The following TIAM2 variants were observed in gnomAD, a reference collection of about 807,000 sequenced individuals.
TIAM2 encodes the protein TIAM Rac1 associated GEF 2.
TIAM2 carries 80 observed loss-of-function variants against 152.9 expected under a neutral mutation model. The observed-to-expected ratio is 0.52, with a 90% CI of 0.44 to 0.63. The LOEUF (loss-of-function observed/expected upper bound fraction) is 0.63. Among genes scored for constraint, TIAM2 ranks in the 30% least tolerant of loss-of-function variants. The probability of loss-of-function intolerance (pLI) is 0.00; values close to 1 mark genes in which losing one functional copy is unlikely to be tolerated. For missense variants in TIAM2, 1,965 were observed against 2,120.1 expected, an observed-to-expected ratio of 0.93 and a Z score of 1.44; for synonymous variants, 804 against 838.0, an observed-to-expected ratio of 0.96 and a Z score of 0.70.
intron 4 of TIAM2, among the ~76,000 whole-genome samples, chr6:155,131,127 A>C (rs183804877): frequency 6.6e-6 from 1 of 152,344 alleles, no homozygotes; most frequent in Non-Finnish European, 1.5e-5. Context: ...GGGGATGCCA[A>C]AGTGGGCAGA....
In TIAM2 at chr6:155,137,624, G is replaced by A. The variant is rs568275900; in HGVS notation, c.1630+12G>A. On this transcript the variant is annotated intron_variant, in intron 5 of 26. Coordinates refer to ENST00000682666, the MANE Select transcript of TIAM2 (RefSeq NM_012454.4). Reference sequence around the variant, plus strand: ...GGTAACGCTGAAAGGTGAGTGCAGTGTCACCTGCTGAGGCCACTGGGGATT... The same window carrying A: ...GGTAACGCTGAAAGGTGAGTGCAGTATCACCTGCTGAGGCCACTGGGGATT... 1.1e-5 allele frequency: 17 copies of A among 1,550,978 alleles called. No individual in the cohort carries two copies. In the Admixed American group the frequency reaches 1.1e-4, roughly 10 times the overall value.
At chr6:155,130,501 G>A in intron 4 of TIAM2, 84 bp downstream of exon 4, 5 of 1,308,400 alleles carry the variant, frequency 3.8e-6, no homozygotes, top group Non-Finnish European at 5.2e-6. Flanking sequence ...CCACCATAGA[G>A]TGTTGTCGGG....
At position 155,165,384 on chromosome 6, in the gene TIAM2, A is replaced by G. The variant is rs768555518; in HGVS notation, c.2336A>G (p.Lys779Arg). 1.9e-6 allele frequency: 3 copies of G among 1,613,800 alleles called. No homozygotes were observed. The Admixed American group carries it at 5.0e-5, about 27-fold the overall frequency. ...CTGGACACACTGGCCAGAAAAGGCA[A>G]GGAGAAGAGACCTTCTATAACTCAG... is the stretch of plus-strand genomic sequence containing the variant. ...KGLDTLARKG[K>R]EKRPSITQVD... The change falls in exon 9 of 27, where the codon AAG (lysine) becomes AGG (arginine). Residue 779 changes from lysine (K) to arginine (R), a missense_variant. This residue lies in a region of TIAM2 where 1,025 missense variants were observed against 1,119.4 expected (regional missense o/e 0.92). Transcript: ENST00000682666.
At chr6:155,025,720 G>A (rs1776587110) in intron 1 of TIAM2, among the ~76,000 whole-genome samples, 1 of 151,820 alleles carries the variant, frequency 6.6e-6, no homozygotes, top group South Asian at 2.1e-4. Flanking sequence ...GTCTTTGACG[G>A]CTGAGGTTTG....
intron 1 of TIAM2, among the ~76,000 whole-genome samples, chr6:155,043,345 G>C (rs570033592): frequency 2.2e-4 from 34 of 152,182 alleles, no homozygotes; most frequent in African/African-American, 6.0e-4. Context: ...AATCTCTAGA[G>C]GGGCCAGGTG....
rs182277359 is a variant in TIAM2 at position 155,071,653 on chromosome 6, C to T, written c.-208-18636C>T. The stretch of plus-strand genomic sequence containing the variant: ...GGCGCGGTGGCTCACGCCTGTAATC[C>T]GAGCACTTTCAGAGGCCGATCACCT... On this transcript the variant is annotated intron_variant, in intron 1 of 26. Coordinates refer to ENST00000682666, the MANE Select transcript of TIAM2 (RefSeq NM_012454.4). Among the ~76,000 whole-genome samples the T allele has an allele frequency of 7.6e-4, 115 of 152,118 alleles. 2 individuals are homozygous for T. The highest frequency in any genetic ancestry group is 7.3e-3 in the Admixed American group (112 of 15,266).
At chr6:155,018,874 A>T (rs1776402569) in intron 1 of TIAM2, among the ~76,000 whole-genome samples, 1 of 141,756 alleles carries the variant, frequency 7.1e-6, no homozygotes, top group Non-Finnish European at 1.5e-5. Flanking sequence ...CCCCATCTCT[A>T]CTAAAAATAC....
At chr6:155,095,319 G>C (rs144249766) in intron 2 of TIAM2, among the ~76,000 whole-genome samples, 1 of 152,188 alleles carries the variant, frequency 6.6e-6, no homozygotes, top group African/African-American at 2.4e-5. Context: ...ACAGAATCTG[G>C]CTTTGTTTTG....
At chr6:155,116,828 T>C (rs2115016572) in intron 2 of TIAM2, among the ~76,000 whole-genome samples, 1 of 152,250 alleles carries the variant, frequency 6.6e-6, no homozygotes, top group South Asian at 2.1e-4. Context: ...CGGAGGTTAT[T>C]TAAAAGTCAC....
intron 2 of TIAM2, among the ~76,000 whole-genome samples, chr6:155,125,523 A>C (rs985154494): frequency 6.6e-6 from 1 of 152,022 alleles, no homozygotes; most frequent in African/African-American, 2.4e-5. Flanking sequence ...GTTGCGGAAA[A>C]CAGTATGGCG....
At chr6:155,050,051 A>AT (rs1777284327) in intron 1 of TIAM2, among the ~76,000 whole-genome samples, 2 of 152,234 alleles carry the variant, frequency 1.3e-5, no homozygotes, top group South Asian at 4.1e-4. Context: ...AAGAGATTTC[A>AT]TTTTTTTCTC....
intron 2 of TIAM2, among the ~76,000 whole-genome samples, chr6:155,114,854 G>A (rs1778972829): frequency 6.6e-6 from 1 of 151,988 alleles, no homozygotes; most frequent in African/African-American, 2.4e-5. Context: ...TTGAGATGGA[G>A]TCTCGCTTTG....
rs776036979 is a variant in TIAM2 at position 155,179,162 on chromosome 6, T to C, written c.2628+19T>C. 6.3e-7 allele frequency: 1 copy of C among 1,594,334 alleles called. No homozygotes were observed. Among genetic ancestry groups the C allele is most frequent in the East Asian group, 2.2e-5 (1 of 44,770 alleles). On this transcript the variant is annotated intron_variant, in intron 11 of 26. Transcript: ENST00000682666. ...ACAACAGGTAAGTGTGCACTAGCTT[T>C]AGGAAGGGAAACTGAACCACATCTA... is the stretch of plus-strand genomic sequence containing the variant.
In TIAM2 at chr6:155,060,676, A is replaced by C. The variant is rs180932069; in HGVS notation, c.-208-29613A>C. ...TTTGGGAGGCCGAGGTGGGTGGATCACATGAGGTCAGGAGTTCGAGACCAG... is the reference window on the plus strand; with the variant it reads ...TTTGGGAGGCCGAGGTGGGTGGATCCCATGAGGTCAGGAGTTCGAGACCAG... On this transcript the variant is annotated intron_variant, in intron 1 of 26. Transcript: ENST00000682666. Among the ~76,000 whole-genome samples the C allele has an allele frequency of 4.0e-3, 604 of 152,184 alleles. 2 individuals carry two copies. Among genetic ancestry groups the C allele is most frequent in the Non-Finnish European group, 5.3e-3 (363 of 68,012 alleles).
At chr6:155,210,602 C>A (rs1481490098) in intron 14 of TIAM2, among the ~76,000 whole-genome samples, 3 of 152,080 alleles carry the variant, frequency 2.0e-5, no homozygotes, top group Non-Finnish European at 4.4e-5. Context: ...CTCCCACAGG[C>A]CTGAGATTAC....
intron 9 of TIAM2, among the ~76,000 whole-genome samples, chr6:155,171,471 T>C (rs1418377854): frequency 6.6e-6 from 1 of 152,200 alleles, no homozygotes; most frequent in African/African-American, 2.4e-5. Context: ...CCCCTTCTTC[T>C]GGAAAATTGG....
intron 9 of TIAM2, among the ~76,000 whole-genome samples, chr6:155,176,524 G>A (rs866374122): frequency 2.0e-5 from 3 of 152,188 alleles, no homozygotes; most frequent in Non-Finnish European, 2.9e-5. Flanking sequence ...GTGAGCCACC[G>A]TTCCCAGCCG....
chr6:155,053,955 A>G (rs1364888934), intron 1 of TIAM2, among the ~76,000 whole-genome samples: 1 of 152,060 alleles, frequency 6.6e-6, no homozygotes, highest in African/African-American at 2.4e-5. Flanking sequence ...AGGCGGGCAG[A>G]TCACCTGAGA....
chr6:155,033,502 A>C (rs1427728385), intron 1 of TIAM2, among the ~76,000 whole-genome samples: 1 of 152,160 alleles, frequency 6.6e-6, no homozygotes, highest in Non-Finnish European at 1.5e-5. Flanking sequence ...CAGGTTTCGC[A>C]GGTTTAAAGA....
Sources: allele counts gnomAD v4.1 joint callset (sites outside exome capture counted in the v4.1 genomes callset), GRCh38; gene constraint gnomAD v4.1.1; regional missense constraint gnomAD v4.1.1; transcripts MANE v1.5; gene names NCBI Gene and HGNC (gene_info 2026-07-23, HGNC 2026-07-21).